LHFPL3: variants seen among roughly 807,000 people sequenced by gnomAD.
LHFPL3 encodes LHFPL tetraspan subfamily member 3, also known as LHFPL tetraspan subfamily member 3 protein.
A neutral mutation model predicts 19.3 loss-of-function variants in LHFPL3; 5 were observed. The ratio of observed to expected loss-of-function variants is 0.26; its 90% CI spans 0.14 to 0.54. The LOEUF is 0.54. Among genes scored for constraint, LHFPL3 ranks in the 20% least tolerant of loss-of-function variants. LHFPL3 has a pLI of 0.94. For synonymous variants in LHFPL3, 133 were observed against 126.2 expected, an observed-to-expected ratio of 1.05 and a Z score of -0.36; for missense variants, 249 against 307.4, an observed-to-expected ratio of 0.81 and a Z score of 1.42.
chr7:104,886,017 C>T (rs1007262439), intron 2 of LHFPL3, among the ~76,000 whole-genome samples: 1 of 152,180 alleles, frequency 6.6e-6, no homozygotes, highest in Admixed American at 6.5e-5. Context: ...TCCCTGACCA[C>T]CTGCTCCAAA....
intron 2 of LHFPL3, among the ~76,000 whole-genome samples, chr7:104,834,349 A>G (rs1414702367): frequency 1.3e-5 from 2 of 151,920 alleles, no homozygotes; most frequent in Non-Finnish European, 2.9e-5. Flanking sequence ...AAAAAAAGGA[A>G]TAACTGAGTC....
At chr7:104,558,347 C>A (rs1387829568) in intron 1 of LHFPL3, among the ~76,000 whole-genome samples, 1 of 143,882 alleles carries the variant, frequency 7.0e-6, no homozygotes, top group East Asian at 2.1e-4. Context: ...CCTGTTGTTT[C>A]CTGACTTTTT....
chr7:104,823,822 G>A (rs1353968767), intron 2 of LHFPL3, among the ~76,000 whole-genome samples: 1 of 152,002 alleles, frequency 6.6e-6, no homozygotes, highest in Admixed American at 6.6e-5. Context: ...AAGAGAAAGA[G>A]ATATGGCTAA....
chr7:104,857,616 T>C (rs996244957), intron 2 of LHFPL3, among the ~76,000 whole-genome samples: 1 of 152,222 alleles, frequency 6.6e-6, no homozygotes, highest in Non-Finnish European at 1.5e-5. Flanking sequence ...TGTTGCATTA[T>C]TGTGATGTCA....
chr7:104,475,721 A>G (rs1397228169), intron 1 of LHFPL3, among the ~76,000 whole-genome samples: 1 of 152,228 alleles, frequency 6.6e-6, no homozygotes, highest in Non-Finnish European at 1.5e-5. Flanking sequence ...AGCAATAAAG[A>G]AAACCATTTA....
At position 104,590,595 on chromosome 7, in the gene LHFPL3, C is replaced by T. The variant is rs1230973998; in HGVS notation, c.446-146080C>T. Among the ~76,000 whole-genome samples the T allele has an allele frequency of 1.2e-4, 18 of 152,192 alleles. No homozygotes were observed. The East Asian group carries it at 1.7e-3, about 15-fold the overall frequency. Reference sequence around the variant, plus strand: ...TGAGAAGAATGTATATTCTGTTGATCTGGGGTGGAGAGTTCTGTAATTGTC... The same window carrying T: ...TGAGAAGAATGTATATTCTGTTGATTTGGGGTGGAGAGTTCTGTAATTGTC... On this transcript the variant is annotated intron_variant, in intron 1 of 2. Coordinates refer to ENST00000424859, the MANE Select transcript of LHFPL3 (RefSeq NM_199000.3).
At chr7:104,735,027 A>G (rs899179264) in intron 1 of LHFPL3, among the ~76,000 whole-genome samples, 3 of 152,228 alleles carry the variant, frequency 2.0e-5, no homozygotes, top group African/African-American at 7.2e-5. Context: ...AGGCTGCAGA[A>G]CAGCGGATAT....
chr7:104,598,366 A>G lies in LHFPL3; in HGVS notation c.446-138309A>G, dbSNP rs566214395. 3.3e-5 allele frequency among the ~76,000 whole-genome samples: 5 copies of G among 152,340 alleles called. No individual in the cohort carries two copies. In the East Asian group the frequency reaches 7.7e-4, roughly 23 times the overall value. On this transcript the variant is annotated intron_variant, in intron 1 of 2. Coordinates refer to ENST00000424859, the MANE Select transcript of LHFPL3 (RefSeq NM_199000.3). ...GCAGAGCTTTTAATGCAAATTTTAA[A>G]CATGTGGAATCAAGATCCTGAAGCA...
chr7:104,790,593 G>A (rs1447995749), intron 2 of LHFPL3, among the ~76,000 whole-genome samples: 1 of 152,058 alleles, frequency 6.6e-6, no homozygotes, highest in African/African-American at 2.4e-5. Flanking sequence ...GAAACTCATG[G>A]TTCCTAAAGC....
At position 104,898,342 on chromosome 7, in the gene LHFPL3, T is replaced by C. The variant is rs140813881; in HGVS notation, c.683-7845T>C. Among the ~76,000 whole-genome samples the C allele has an allele frequency of 8.3e-3, 1,256 of 152,100 alleles. 10 individuals are homozygous for C. The highest frequency in any genetic ancestry group is 0.014 in the Middle Eastern group (4 of 294). On this transcript the variant is annotated intron_variant, in intron 2 of 2. Transcript: ENST00000424859. ...CCTTTTATATAGCCAGTACCACCCATTACATAAAAGTTCTCAAGACACACA... is the reference window on the plus strand; with the variant it reads ...CCTTTTATATAGCCAGTACCACCCACTACATAAAAGTTCTCAAGACACACA...
At position 104,780,937 on chromosome 7, in the gene LHFPL3, C is replaced by G. The variant is rs949316058; in HGVS notation, c.682+44026C>G. Among the ~76,000 whole-genome samples, 4 of 152,184 alleles carry G rather than the reference C, an allele frequency of 2.6e-5. No individual in the cohort carries two copies. In the East Asian group the frequency reaches 5.8e-4, roughly 22 times the overall value. Reference sequence around the variant, plus strand: ...AGACTTGACTTTCTTCCCTTGTCATCACTCGATTTCTGACCAGTGTGCCCT... The same window carrying G: ...AGACTTGACTTTCTTCCCTTGTCATGACTCGATTTCTGACCAGTGTGCCCT... On this transcript the variant is annotated intron_variant, in intron 2 of 2. Transcript: ENST00000424859.
chr7:104,503,107 TA>T (rs56814480), intron 1 of LHFPL3, among the ~76,000 whole-genome samples: 136 of 147,844 alleles, frequency 9.2e-4, no homozygotes, highest in Non-Finnish European at 1.4e-3. Flanking sequence ...CATGTTTTGT[TA>T]AAAAAAAAAA....
intron 1 of LHFPL3, among the ~76,000 whole-genome samples, chr7:104,490,039 G>A (rs1793312240): frequency 6.6e-6 from 1 of 152,156 alleles, no homozygotes; most frequent in South Asian, 2.1e-4. Context: ...AGGGCCTGGG[G>A]AGGGACTGGC....
chr7:104,612,876 A>T (rs1406746409), intron 1 of LHFPL3, among the ~76,000 whole-genome samples: 2 of 152,232 alleles, frequency 1.3e-5, no homozygotes, highest in Non-Finnish European at 2.9e-5. Flanking sequence ...AACCTGTGAC[A>T]TTAATCATAG....
At chr7:104,600,804 T>C (rs1790948938) in intron 1 of LHFPL3, among the ~76,000 whole-genome samples, 1 of 152,184 alleles carries the variant, frequency 6.6e-6, no homozygotes, top group Non-Finnish European at 1.5e-5. Context: ...TTCCTATAAA[T>C]AAGGAGACTG....
intron 1 of LHFPL3, among the ~76,000 whole-genome samples, chr7:104,665,872 T>A (rs1248142745): frequency 6.6e-6 from 1 of 152,218 alleles, no homozygotes; most frequent in Non-Finnish European, 1.5e-5. Flanking sequence ...TTCGACAGTG[T>A]GAGCTGGTGA....
At chr7:104,380,109 A>G (rs1334538357) in intron 1 of LHFPL3, among the ~76,000 whole-genome samples, 4 of 152,198 alleles carry the variant, frequency 2.6e-5, no homozygotes, top group Non-Finnish European at 5.9e-5. Context: ...TCCATTACTT[A>G]CTGCTATGTG....
At chr7:104,637,420 A>G (rs1413709719) in intron 1 of LHFPL3, among the ~76,000 whole-genome samples, 2 of 152,122 alleles carry the variant, frequency 1.3e-5, no homozygotes, top group East Asian at 1.9e-4. Flanking sequence ...TTTTGTTGCA[A>G]TTGCTTTTGG....
chr7:104,532,414 G>C (rs1209675353), intron 1 of LHFPL3, among the ~76,000 whole-genome samples: 3 of 140,834 alleles, frequency 2.1e-5, no homozygotes, highest in African/African-American at 7.8e-5. Flanking sequence ...TCCTAACTTG[G>C]CTTCCCAAAG....
Sources: allele counts gnomAD v4.1 joint callset (sites outside exome capture counted in the v4.1 genomes callset), GRCh38; gene constraint gnomAD v4.1.1; transcripts MANE v1.5; gene names NCBI Gene and HGNC (gene_info 2026-07-23, HGNC 2026-07-21).